PXDNL: variants seen among roughly 807,000 people sequenced by gnomAD.
PXDNL encodes the protein probable oxidoreductase PXDNL.
Under a neutral mutation model 150.8 loss-of-function variants are expected in PXDNL, and 145 were observed. The observed-to-expected ratio is 0.96, with a 90% CI of 0.84 to 1.10. PXDNL has a LOEUF of 1.10. Among genes scored for constraint, PXDNL ranks in the 50% least tolerant of loss-of-function variants. The pLI, the probability that PXDNL is intolerant of heterozygous loss-of-function variation, is 0.00. For synonymous variants in PXDNL, 757 were observed against 725.7 expected (o/e 1.04, Z -0.69); for missense variants, 2,087 against 1,873.9 (o/e 1.11, Z -2.10).
At chr8:51,378,674 G>T (rs1026652327) in intron 17 of PXDNL, among the ~76,000 whole-genome samples, 10 of 152,186 alleles carry the variant, frequency 6.6e-5, no homozygotes, top group Admixed American at 6.5e-4. Flanking sequence ...TCACTGTGAA[G>T]ATCTGCAACT....
intron 4 of PXDNL, among the ~76,000 whole-genome samples, chr8:51,518,388 C>T (rs76486192): frequency 2.0e-5 from 3 of 152,126 alleles, no homozygotes; most frequent in African/African-American, 7.2e-5. Flanking sequence ...GCACATTAAA[C>T]AATCACAGCA....
At chr8:51,625,819 GA>G (rs1814350778) in intron 2 of PXDNL, among the ~76,000 whole-genome samples, 1 of 152,138 alleles carries the variant, frequency 6.6e-6, no homozygotes, top group African/African-American at 2.4e-5. Context: ...ATTTAAAACA[GA>G]TTTTTTTAGT....
Position 51,453,528 on chromosome 8 carries a change from T to A in PXDNL, c.1240A>T (p.Ile414Phe), listed in dbSNP as rs1025290179. The A allele has an allele frequency of 6.2e-7, 1 of 1,613,994 alleles. No homozygotes were observed. Residue 414 changes from isoleucine (I) to phenylalanine (F), a missense_variant, in exon 10 of 23, where the codon ATT becomes TTT. Physicochemically the swap from Ile to Phe is conservative, Grantham distance 21. Transcript: ENST00000356297. ...HGTVQAAANI[I>F]VQAPPQFTVT... The stretch of plus-strand genomic sequence containing the variant: ...CCTTCTGCTCCCATACCTTGTACAA[T>A]TATGTTTGCTGCAGCTTGAACAGTG...
At chr8:51,586,016 C>A (rs1049888463) in intron 3 of PXDNL, among the ~76,000 whole-genome samples, 5 of 152,112 alleles carry the variant, frequency 3.3e-5, no homozygotes, top group African/African-American at 1.2e-4. Context: ...TGACAGAGTG[C>A]AGAAATGGCA....
At chr8:51,743,739 C>T (rs538037879) in intron 1 of PXDNL, among the ~76,000 whole-genome samples, 102 of 152,176 alleles carry the variant, frequency 6.7e-4, no homozygotes, top group African/African-American at 2.3e-3. Flanking sequence ...TGGTCTCAAA[C>T]TCCCGACCTC....
At chr8:51,356,560 T>C (rs997898775) in intron 19 of PXDNL, among the ~76,000 whole-genome samples, 3 of 151,918 alleles carry the variant, frequency 2.0e-5, no homozygotes, top group African/African-American at 4.8e-5. Context: ...CCTAGTAATT[T>C]AATGTGAAAT....
intron 1 of PXDNL, among the ~76,000 whole-genome samples, chr8:51,694,289 G>A (rs903193942): frequency 6.6e-6 from 1 of 152,174 alleles, no homozygotes; most frequent in African/African-American, 2.4e-5. Context: ...CTTGAATCCA[G>A]GAGGCGGAGG....
At chr8:51,519,407 C>G (rs2130376517) in intron 4 of PXDNL, among the ~76,000 whole-genome samples, 1 of 151,990 alleles carries the variant, frequency 6.6e-6, no homozygotes, top group East Asian at 1.9e-4. Context: ...GTGGTGTGCG[C>G]CTATAATCCC....
chr8:51,460,966 A>C (rs1249360305), intron 8 of PXDNL, among the ~76,000 whole-genome samples: 1 of 152,084 alleles, frequency 6.6e-6, no homozygotes, highest in Non-Finnish European at 1.5e-5. Flanking sequence ...TCTGATCTGC[A>C]TGCTCCCTTG....
At chr8:51,439,212 TCAAA>T (rs766377688) in intron 12 of PXDNL, among the ~76,000 whole-genome samples, 71 of 151,898 alleles carry the variant, frequency 4.7e-4, no homozygotes, top group Admixed American at 2.0e-3. Context: ...TACAAGGAAA[TCAAA>T]CAAATCAGCA....
At chr8:51,734,915 G>A (rs1176800744) in intron 1 of PXDNL, among the ~76,000 whole-genome samples, 1 of 152,200 alleles carries the variant, frequency 6.6e-6, no homozygotes, top group Non-Finnish European at 1.5e-5. Context: ...AGAGATTGGG[G>A]AGATGTTGAT....
chr8:51,497,498 A>G (rs1483762693), intron 5 of PXDNL, among the ~76,000 whole-genome samples: 1 of 152,200 alleles, frequency 6.6e-6, no homozygotes, highest in Non-Finnish European at 1.5e-5. Flanking sequence ...TGAACAGGCA[A>G]CCTACAGACT....
chr8:51,332,645 T>TA, intron 21 of PXDNL, among the ~76,000 whole-genome samples: 1 of 149,228 alleles, frequency 6.7e-6, no homozygotes, highest in Non-Finnish European at 1.5e-5. Context: ...AAAAAAACAA[T>TA]AAAAAATTCA....
At chr8:51,416,076 T>C (rs2129666988) in intron 14 of PXDNL, among the ~76,000 whole-genome samples, 1 of 152,356 alleles carries the variant, frequency 6.6e-6, no homozygotes, top group Non-Finnish European at 1.5e-5. Context: ...TATTAGCTTT[T>C]TCTTTGTCCC....
At chr8:51,436,105 C>T (rs1809400683) in intron 12 of PXDNL, 3 of 513,200 alleles carry the variant, frequency 5.8e-6, no homozygotes, top group Middle Eastern at 4.7e-4. Context: ...CCCCTTTTGT[C>T]TTGACCCAGC....
At chr8:51,405,009 G>A (rs1297579059) in intron 17 of PXDNL, among the ~76,000 whole-genome samples, 1 of 152,198 alleles carries the variant, frequency 6.6e-6, no homozygotes, top group East Asian at 1.9e-4. Context: ...TTCGAGCTCA[G>A]CACCGGGACC....
chr8:51,741,901 G>A (rs2036910257), intron 1 of PXDNL, among the ~76,000 whole-genome samples: 1 of 152,140 alleles, frequency 6.6e-6, no homozygotes, highest in Non-Finnish European at 1.5e-5. Context: ...TTGTACTAGA[G>A]AAATGAAAAC....
chr8:51,399,005 A>T (rs934288805), intron 17 of PXDNL, among the ~76,000 whole-genome samples: 6 of 152,180 alleles, frequency 3.9e-5, no homozygotes, highest in Non-Finnish European at 7.3e-5. Flanking sequence ...GATATATATA[A>T]GAGGAGATTG....
chr8:51,686,187 C>T (rs1433453065), intron 1 of PXDNL, among the ~76,000 whole-genome samples: 4 of 152,210 alleles, frequency 2.6e-5, no homozygotes, highest in Admixed American at 6.5e-5. Flanking sequence ...GATTCACTTT[C>T]GAGCCAAGTA....
Sources: gnomAD v4.1 joint callset for allele counts (sites outside exome capture counted in the v4.1 genomes callset) on GRCh38, gnomAD v4.1.1 for gene constraint, MANE v1.5 for transcripts, NCBI Gene and HGNC (gene_info 2026-07-23, HGNC 2026-07-21) for gene names.